Variants in PLCB1 observed in about 807,000 individuals in gnomAD.
PLCB1 encodes 1-phosphatidylinositol 4,5-bisphosphate phosphodiesterase beta-1.
In PLCB1, 46 loss-of-function variants were observed where a neutral mutation model predicts 161.8. That is an observed-to-expected ratio of 0.28 (90% CI 0.22 to 0.36). The LOEUF is 0.36. Among genes scored for constraint, PLCB1 ranks in the 10% least tolerant of loss-of-function variants. The pLI, the probability that PLCB1 is intolerant of heterozygous loss-of-function variation, is 1.00. For synonymous variants in PLCB1, 517 were observed against 503.7 expected, an observed-to-expected ratio of 1.03 and a Z score of -0.35; for missense variants, 1,016 against 1,472.5, an observed-to-expected ratio of 0.69 and a Z score of 5.07.
intron 31 of PLCB1, among the ~76,000 whole-genome samples, chr20:8,804,040 G>A (rs1984411163): frequency 6.6e-6 from 1 of 152,024 alleles, no homozygotes; most frequent in Non-Finnish European, 1.5e-5. Context: ...TGATCCGCCT[G>A]CCTCAGGCTC....
At chr20:8,689,659 CA>C (rs763128883) in intron 10 of PLCB1, among the ~76,000 whole-genome samples, 1 of 151,990 alleles carries the variant, frequency 6.6e-6, no homozygotes, top group Non-Finnish European at 1.5e-5. Flanking sequence ...AATAAAACTA[CA>C]AAATGTAGTT....
chr20:8,866,145 C>T (rs117041753), intron 31 of PLCB1, among the ~76,000 whole-genome samples: 1,635 of 152,254 alleles, frequency 0.011, 17 homozygotes, highest in Middle Eastern at 0.027. Context: ...ATTCCAAACC[C>T]GATGTGTTTA....
chr20:8,663,299 T>C (rs1197095944), intron 9 of PLCB1, among the ~76,000 whole-genome samples: 2 of 151,906 alleles, frequency 1.3e-5, no homozygotes, highest in African/African-American at 2.4e-5. Flanking sequence ...TTAAAGTAGG[T>C]GTTAAGCAAA....
At chr20:8,434,215 T>C (rs187194735) in intron 3 of PLCB1, among the ~76,000 whole-genome samples, 12 of 152,286 alleles carry the variant, frequency 7.9e-5, no homozygotes, top group African/African-American at 2.9e-4. Flanking sequence ...TTCTGGAATT[T>C]AAACATTTTT....
At chr20:8,684,046 G>C (rs1175436366) in intron 9 of PLCB1, among the ~76,000 whole-genome samples, 1 of 150,920 alleles carries the variant, frequency 6.6e-6, no homozygotes, top group African/African-American at 2.4e-5. Flanking sequence ...ACCACACCCG[G>C]CTAATTTTTC....
intron 4 of PLCB1, among the ~76,000 whole-genome samples, chr20:8,632,769 C>T (rs949224332): frequency 5.9e-5 from 9 of 152,046 alleles, no homozygotes; most frequent in African/African-American, 1.9e-4. Flanking sequence ...CAAGGGCAAG[C>T]GTGACAGCAG....
chr20:8,434,306 G>A (rs1980202268), intron 3 of PLCB1, among the ~76,000 whole-genome samples: 1 of 94,518 alleles, frequency 1.1e-5, no homozygotes, highest in Non-Finnish European at 2.5e-5. Flanking sequence ...CAACATACCA[G>A]ATCCTAAGGT....
chr20:8,429,666 A>C (rs1979949136), intron 3 of PLCB1, among the ~76,000 whole-genome samples: 1 of 152,084 alleles, frequency 6.6e-6, no homozygotes, highest in Non-Finnish European at 1.5e-5. Context: ...CATGATCAGA[A>C]CAATATCAAA....
chr20:8,481,579 AG>A (rs1444853175), intron 3 of PLCB1, among the ~76,000 whole-genome samples: 1 of 152,126 alleles, frequency 6.6e-6, no homozygotes, highest in African/African-American at 2.4e-5. Flanking sequence ...TGTATATTTT[AG>A]TTCATTTTTT....
chr20:8,393,241 T>A (rs1049400409), intron 3 of PLCB1, among the ~76,000 whole-genome samples: 1 of 152,180 alleles, frequency 6.6e-6, no homozygotes, highest in Non-Finnish European at 1.5e-5. Flanking sequence ...AAGAATTTGC[T>A]CATCACTGCC....
At chr20:8,386,038 G>T (rs1441188110) in intron 3 of PLCB1, among the ~76,000 whole-genome samples, 1 of 152,156 alleles carries the variant, frequency 6.6e-6, no homozygotes, top group African/African-American at 2.4e-5. Flanking sequence ...AATAATTATT[G>T]TCCTCTAGCA....
At chr20:8,427,055 G>A (rs1876727) in intron 3 of PLCB1, among the ~76,000 whole-genome samples, 66,710 of 151,720 alleles carry the variant, frequency 0.44, 15,009 homozygotes, top group Non-Finnish European at 0.48. Flanking sequence ...GGGATTACAG[G>A]CACCTGCTAC....
intron 2 of PLCB1, among the ~76,000 whole-genome samples, chr20:8,338,590 A>G (rs4816059): frequency 0.16 from 24,891 of 152,208 alleles, 2,587 homozygotes; most frequent in Non-Finnish European, 0.23. Flanking sequence ...AGCTGTCAGA[A>G]CAAGAAAAGT....
intron 3 of PLCB1, among the ~76,000 whole-genome samples, chr20:8,417,440 T>G (rs1429822378): frequency 7.1e-6 from 1 of 140,866 alleles, no homozygotes; most frequent in Non-Finnish European, 1.5e-5. Flanking sequence ...GTTGTACCAA[T>G]AATTCAGGGT....
intron 2 of PLCB1, among the ~76,000 whole-genome samples, chr20:8,152,437 G>A (rs2051518634): frequency 1.3e-5 from 2 of 152,166 alleles, no homozygotes; most frequent in African/African-American, 4.8e-5. Context: ...ATGTGTGCTA[G>A]AAGAAATGGT....
chr20:8,496,193 T>C (rs2122793178), intron 3 of PLCB1, among the ~76,000 whole-genome samples: 1 of 152,252 alleles, frequency 6.6e-6, no homozygotes. Context: ...GAGAACTTAC[T>C]CTCTAGAAAT....
At chr20:8,467,136 T>C (rs1235936232) in intron 3 of PLCB1, among the ~76,000 whole-genome samples, 1 of 152,120 alleles carries the variant, frequency 6.6e-6, no homozygotes, top group African/African-American at 2.4e-5. Flanking sequence ...AGATGGGGTT[T>C]CACTATGTTG....
At chr20:8,448,402 G>A (rs1208883023) in intron 3 of PLCB1, among the ~76,000 whole-genome samples, 5 of 152,156 alleles carry the variant, frequency 3.3e-5, no homozygotes, top group Non-Finnish European at 7.3e-5. Context: ...TTTGATGGGA[G>A]CAGAGCCTTT....
chr20:8,577,238 G>A (rs917878712), intron 3 of PLCB1, among the ~76,000 whole-genome samples: 3 of 150,940 alleles, frequency 2.0e-5, no homozygotes, highest in South Asian at 4.2e-4. Flanking sequence ...GACCATCCTG[G>A]CTAACATGGT....
Sources: allele counts gnomAD v4.1 joint callset (sites outside exome capture counted in the v4.1 genomes callset), GRCh38; gene constraint gnomAD v4.1.1; transcripts MANE v1.5; gene names NCBI Gene and HGNC (gene_info 2026-07-23, HGNC 2026-07-21).